BACE2: variants seen among roughly 807,000 people sequenced by gnomAD.
BACE2 encodes 56 kDa aspartic-like protease.
In BACE2, 17 loss-of-function variants were observed where a neutral mutation model predicts 46.2. The ratio of observed to expected loss-of-function variants is 0.37; its 90% CI spans 0.25 to 0.55. BACE2 has a LOEUF of 0.55. Among genes scored for constraint, BACE2 ranks in the 20% least tolerant of loss-of-function variants. The pLI, the probability that BACE2 is intolerant of heterozygous loss-of-function variation, is 0.82. For synonymous variants in BACE2, 277 were observed against 295.9 expected, an observed-to-expected ratio of 0.94 and a Z score of 0.66; for missense variants, 595 against 698.1, an observed-to-expected ratio of 0.85 and a Z score of 1.66.
chr21:41,184,576 A>G (rs1985296716), intron 1 of BACE2: 1 of 167,116 alleles, frequency 6.0e-6, no homozygotes, highest in South Asian at 2.1e-4. Flanking sequence ...AGGGGCTGAT[A>G]TGGAGCCCCA....
chr21:41,199,524 G>A (rs1166303359), intron 1 of BACE2, among the ~76,000 whole-genome samples: 1 of 152,168 alleles, frequency 6.6e-6, no homozygotes, highest in Non-Finnish European at 1.5e-5. Flanking sequence ...CCAAGGAGTG[G>A]TTGGTTGCCC....
rs1348610385 is a variant in BACE2, at chr21:41,241,783, C to A, written c.619-36C>A. 5 of 1,612,376 alleles carry A rather than the reference C, an allele frequency of 3.1e-6. No homozygotes were observed. In the African/African-American group the frequency reaches 5.3e-5, roughly 17 times the overall value. On this transcript the variant is annotated intron_variant, in intron 3 of 8. Coordinates refer to ENST00000330333, the MANE Select transcript of BACE2 (RefSeq NM_012105.5). ...GGTGACCCATGTCTACACTGTGAGT[C>A]CTAAGCGGGTGCCCCTCTCTGTCGC... is the stretch of plus-strand genomic sequence containing the variant.
intron 1 of BACE2, among the ~76,000 whole-genome samples, chr21:41,205,370 C>A (rs10483073): frequency 0.13 from 20,203 of 152,172 alleles, 4,323 homozygotes; most frequent in African/African-American, 0.45. Flanking sequence ...AGATGAGATA[C>A]ATTTGAGTTA....
chr21:41,218,264 TAG>T (rs1279364711), intron 1 of BACE2, among the ~76,000 whole-genome samples: 1 of 152,238 alleles, frequency 6.6e-6, no homozygotes, highest in Non-Finnish European at 1.5e-5. Flanking sequence ...AGACATGCTT[TAG>T]ATTTCTCCAC....
chr21:41,214,478 T>C (rs1200012852), intron 1 of BACE2, among the ~76,000 whole-genome samples: 1 of 152,170 alleles, frequency 6.6e-6, no homozygotes, highest in Non-Finnish European at 1.5e-5. Context: ...GTCAAGGAAG[T>C]CTATGCCAAA....
intron 8 of BACE2, among the ~76,000 whole-genome samples, chr21:41,270,945 C>T (rs747799578): frequency 5.9e-5 from 9 of 152,140 alleles, no homozygotes; most frequent in Non-Finnish European, 1.3e-4. Flanking sequence ...TTTCTCTTTG[C>T]ATTTTCATCA....
At chr21:41,248,155 C>T (rs1289576706) in intron 6 of BACE2, among the ~76,000 whole-genome samples, 1 of 152,124 alleles carries the variant, frequency 6.6e-6, no homozygotes, top group Non-Finnish European at 1.5e-5. Flanking sequence ...CCGACCCTGC[C>T]GCAGTGCCCG....
chr21:41,232,638 A>G (rs1293352004), intron 2 of BACE2, among the ~76,000 whole-genome samples: 1 of 151,326 alleles, frequency 6.6e-6, no homozygotes, highest in African/African-American at 2.4e-5. Context: ...GGAGCCAGGC[A>G]CCTCCTCCTC....
At chr21:41,223,165 G>A (rs1171394968) in intron 1 of BACE2, among the ~76,000 whole-genome samples, 1 of 152,004 alleles carries the variant, frequency 6.6e-6, no homozygotes, top group Non-Finnish European at 1.5e-5. Flanking sequence ...ACCAGCCTGG[G>A]CAACATAGTG....
chr21:41,201,223 T>G lies in BACE2; in HGVS notation c.313-25043T>G, dbSNP rs1172135897. Reference sequence around the variant, plus strand: ...AGTCTTTTGTTCTTTGGTAAATGCATATAACAGACACATACTTAGTATCCA... The same window carrying G: ...AGTCTTTTGTTCTTTGGTAAATGCAGATAACAGACACATACTTAGTATCCA... On this transcript the variant is annotated intron_variant, in intron 1 of 8. Transcript: ENST00000330333. Among the ~76,000 whole-genome samples, 3 of 152,208 alleles carry G rather than the reference T, an allele frequency of 2.0e-5. No individual in the cohort carries two copies. The South Asian group carries it at 6.2e-4, about 32-fold the overall frequency.
intron 1 of BACE2, chr21:41,177,726 C>A (rs1360566792): frequency 6.6e-6 from 1 of 152,200 alleles, no homozygotes; most frequent in South Asian, 2.1e-4. Context: ...TTCCAGGCTG[C>A]TAGTAAACAA....
chr21:41,275,106 T>C (rs1370941570), intron 8 of BACE2, among the ~76,000 whole-genome samples: 1 of 152,206 alleles, frequency 6.6e-6, no homozygotes, highest in Non-Finnish European at 1.5e-5. Context: ...GGTGCTTCCA[T>C]ATGTGCCCTG....
intron 1 of BACE2, among the ~76,000 whole-genome samples, chr21:41,174,318 C>T (rs956061843): frequency 6.6e-6 from 1 of 151,490 alleles, no homozygotes; most frequent in Non-Finnish European, 1.5e-5. Flanking sequence ...AATTTTTGTG[C>T]TTTTAGTAGA....
intron 6 of BACE2, among the ~76,000 whole-genome samples, chr21:41,248,873 C>G (rs981096323): frequency 6.6e-6 from 1 of 152,244 alleles, no homozygotes; most frequent in Non-Finnish European, 1.5e-5. Flanking sequence ...TTCCTGTCTT[C>G]TGTTCTAACT....
At chr21:41,262,907 T>G (rs1885880305) in intron 8 of BACE2, among the ~76,000 whole-genome samples, 1 of 152,150 alleles carries the variant, frequency 6.6e-6, no homozygotes, top group Admixed American at 6.5e-5. Flanking sequence ...TCGTTTGAAT[T>G]TTCTATCAAA....
Position 41,276,782 on chromosome 21 carries a change from T to C in BACE2, c.*1158T>C, listed in dbSNP as rs780983701. On this transcript the variant is annotated 3_prime_UTR_variant, in exon 9 of 9. Coordinates refer to ENST00000330333, the MANE Select transcript of BACE2 (RefSeq NM_012105.5). ...TATCCCCGTGCTTCGAAACCGTGTG[T>C]TTCCCTTTGCAGAACTGGTTAGCCT... is the stretch of plus-strand genomic sequence containing the variant. 2 of 152,198 alleles carry C rather than the reference T, an allele frequency of 1.3e-5. No homozygotes were observed. The highest frequency in any genetic ancestry group is 6.5e-5 in the Admixed American group (1 of 15,282). 9.4% of individuals were successfully genotyped at this position (152,198 alleles called of 1,614,324 possible).
chr21:41,199,800 C>T lies in BACE2; in HGVS notation c.313-26466C>T, dbSNP rs539359082. 7.2e-5 allele frequency among the ~76,000 whole-genome samples: 11 copies of T among 152,186 alleles called. No homozygotes were observed. In the South Asian group the frequency reaches 1.2e-3, roughly 17 times the overall value. On this transcript the variant is annotated intron_variant, in intron 1 of 8. Coordinates refer to ENST00000330333, the MANE Select transcript of BACE2 (RefSeq NM_012105.5). ...TGTGCCCTGCCCCTCAGGCCAGGGG[C>T]GGGGATGGCTGCCGTTGTTGTAGGT... is the stretch of plus-strand genomic sequence containing the variant.
intron 5 of BACE2, among the ~76,000 whole-genome samples, chr21:41,244,499 A>G (rs1440343415): frequency 6.6e-6 from 1 of 152,148 alleles, no homozygotes; most frequent in African/African-American, 2.4e-5. Context: ...CCTTTGAGCC[A>G]GGATGAGCCA....
At chr21:41,230,654 A>G (rs940520611) in intron 2 of BACE2, among the ~76,000 whole-genome samples, 1 of 152,138 alleles carries the variant, frequency 6.6e-6, no homozygotes, top group African/African-American at 2.4e-5. Flanking sequence ...TTCAGGTCTA[A>G]TGCTTCCTGA....
Sources: allele counts gnomAD v4.1 joint callset (sites outside exome capture counted in the v4.1 genomes callset), GRCh38; gene constraint gnomAD v4.1.1; transcripts MANE v1.5; gene names NCBI Gene and HGNC (gene_info 2026-07-23, HGNC 2026-07-21).